APLF: variants seen among roughly 807,000 people sequenced by gnomAD.
The protein encoded by APLF is aprataxin and PNK-like factor.
A neutral mutation model predicts 55.6 loss-of-function variants in APLF; 61 were observed. That is an observed-to-expected ratio of 1.10 (90% CI 0.89 to 1.36). The LOEUF (loss-of-function observed/expected upper bound fraction) is 1.36. Among genes scored for constraint, APLF ranks in the 40% most tolerant of loss-of-function variants. The pLI is 0.00. For missense variants in APLF, 611 were observed against 602.5 expected (o/e 1.01, Z -0.15); for synonymous variants, 207 against 214.8 (o/e 0.96, Z 0.32).
At chr2:68,544,733 G>A (rs1670652442) in intron 7 of APLF, among the ~76,000 whole-genome samples, 1 of 152,130 alleles carries the variant, frequency 6.6e-6, no homozygotes, top group Admixed American at 6.5e-5. Context: ...CCTTTGCGTA[G>A]TAAATGGATT....
intron 1 of APLF, among the ~76,000 whole-genome samples, chr2:68,483,103 T>C (rs972877591): frequency 2.0e-5 from 3 of 152,086 alleles, no homozygotes; most frequent in Non-Finnish European, 4.4e-5. Context: ...CAGTGGCTAT[T>C]GGCCCCCAGA....
At chr2:68,574,066 G>T (rs930959075) in intron 9 of APLF, among the ~76,000 whole-genome samples, 1 of 148,966 alleles carries the variant, frequency 6.7e-6, no homozygotes. Flanking sequence ...GGACTTAGAA[G>T]TGTTAACCCA....
chr2:68,502,058 G>A (rs1385051356), intron 2 of APLF, among the ~76,000 whole-genome samples: 1 of 152,092 alleles, frequency 6.6e-6, no homozygotes, highest in Non-Finnish European at 1.5e-5. Flanking sequence ...GGCCAAATTT[G>A]CATTTATTAC....
intron 6 of APLF, chr2:68,528,953 T>C: frequency 2.0e-6 from 3 of 1,526,694 alleles, no homozygotes; most frequent in East Asian, 2.4e-5. Context: ...ATTGTCCTCC[T>C]GCTCCTGGGT....
chr2:68,571,533 A>G (rs1183418587), intron 9 of APLF, among the ~76,000 whole-genome samples: 10 of 152,106 alleles, frequency 6.6e-5, no homozygotes, highest in Non-Finnish European at 1.5e-4. Context: ...TTTTCCCAGC[A>G]CCATTTATTA....
chr2:68,533,016 A>G (rs962443521), intron 6 of APLF, among the ~76,000 whole-genome samples: 5 of 152,158 alleles, frequency 3.3e-5, no homozygotes, highest in African/African-American at 1.2e-4. Flanking sequence ...GCTTAAGCCC[A>G]GGAGTTTAAG....
At chr2:68,526,344 G>A (rs547819103) in intron 6 of APLF, 102 bp downstream of exon 6, 2 of 1,444,294 alleles carry the variant, frequency 1.4e-6, no homozygotes, top group Non-Finnish European at 1.9e-6. Context: ...GCCTTTTATT[G>A]TTGAGTTTAT....
At chr2:68,544,226 T>C (rs1670636890) in intron 7 of APLF, among the ~76,000 whole-genome samples, 1 of 152,066 alleles carries the variant, frequency 6.6e-6, no homozygotes, top group East Asian at 1.9e-4. Flanking sequence ...TGATCTGCCC[T>C]CCTCGGCCTC....
At chr2:68,488,975 TA>T (rs906353537) in intron 1 of APLF, among the ~76,000 whole-genome samples, 82 of 149,116 alleles carry the variant, frequency 5.5e-4, no homozygotes, top group South Asian at 1.7e-3. Context: ...AGTATAATAA[TA>T]AAAAAAAAGG....
intron 1 of APLF, among the ~76,000 whole-genome samples, chr2:68,481,068 A>G (rs912929848): frequency 3.3e-5 from 5 of 152,104 alleles, no homozygotes; most frequent in South Asian, 4.2e-4. Context: ...GTTGACTTGT[A>G]ATTTTCTTTT....
intron 5 of APLF, among the ~76,000 whole-genome samples, chr2:68,520,564 A>C (rs1218647036): frequency 6.6e-6 from 1 of 151,924 alleles, no homozygotes; most frequent in Non-Finnish European, 1.5e-5. Flanking sequence ...CCATTTGTTG[A>C]ATAGGGTGTC....
At chr2:68,535,442 A>G (rs900988274) in intron 6 of APLF, 6 of 218,480 alleles carry the variant, frequency 2.7e-5, no homozygotes, top group Middle Eastern at 4.6e-4. Flanking sequence ...ACACATAGAT[A>G]TATAAGGAAT....
At chr2:68,508,513 A>G (rs113525750) in intron 3 of APLF, among the ~76,000 whole-genome samples, 2,099 of 152,026 alleles carry the variant, frequency 0.014, 41 homozygotes, top group African/African-American at 0.046. Flanking sequence ...AACTCTTAGA[A>G]AAAAACAGGT....
chr2:68,499,463 G>T (rs1278040254), intron 2 of APLF, among the ~76,000 whole-genome samples: 1 of 152,080 alleles, frequency 6.6e-6, no homozygotes, highest in Non-Finnish European at 1.5e-5. Context: ...GTCTTGTTTT[G>T]GGAGGGATTG....
chr2:68,574,320 A>G (rs1481505899), intron 9 of APLF, among the ~76,000 whole-genome samples: 1 of 152,188 alleles, frequency 6.6e-6, no homozygotes, highest in Non-Finnish European at 1.5e-5. Context: ...GTTTTATATA[A>G]CATTTAAAGT....
At chr2:68,472,080 A>G (rs902267694) in intron 1 of APLF, among the ~76,000 whole-genome samples, 6 of 152,372 alleles carry the variant, frequency 3.9e-5, no homozygotes, top group Non-Finnish European at 7.3e-5. Flanking sequence ...AGTTTATCTC[A>G]AGACCTAAGA....
In APLF at chr2:68,490,213, A is replaced by G. The variant is rs746063986; in HGVS notation, c.120A>G (p.Arg40=). 3.1e-6 allele frequency: 5 copies of G among 1,612,110 alleles called. No individual in the cohort carries two copies. The Admixed American group carries it at 8.4e-5, about 27-fold the overall frequency. ...LLGITDKRVS[R]RHAILEVAGG... is the part of the protein sequence containing the mutation. The stretch of plus-strand genomic sequence containing the variant: ...AGATAACAGACAAGAGAGTATCCAG[A>G]AGACATGCCATTCTTGAGGTGGCAG... The change falls in exon 2 of 10, where the codon AGA becomes AGG. Residue 40 remains arginine, a synonymous_variant. Transcript: ENST00000303795.
At chr2:68,554,638 GTTTTTTT>G (rs773690422) in intron 8 of APLF, among the ~76,000 whole-genome samples, 1 of 139,226 alleles carries the variant, frequency 7.2e-6, no homozygotes, top group African/African-American at 2.6e-5. Flanking sequence ...ATATTCCTAA[GTTTTTTT>G]TTTTTTTGCA....
intron 1 of APLF, among the ~76,000 whole-genome samples, chr2:68,477,072 A>AATCT (rs1675801984): frequency 6.6e-6 from 1 of 152,246 alleles, no homozygotes; most frequent in Non-Finnish European, 1.5e-5. Flanking sequence ...AATATACTCA[A>AATCT]ATCTATTATA....
Sources: gnomAD v4.1 joint callset for allele counts (sites outside exome capture counted in the v4.1 genomes callset) on GRCh38, gnomAD v4.1.1 for gene constraint, MANE v1.5 for transcripts, NCBI Gene and HGNC (gene_info 2026-07-23, HGNC 2026-07-21) for gene names.